Variants in GPBP1 observed in about 807,000 individuals in gnomAD.
GPBP1 encodes the protein vasculin.
Under a neutral mutation model 56.5 loss-of-function variants are expected in GPBP1, and 13 were observed. The observed-to-expected ratio is 0.23, with a 90% CI of 0.15 to 0.37. GPBP1 has a LOEUF of 0.37. Ranked by LOEUF, GPBP1 falls within the 10% of genes least tolerant of loss-of-function variation. GPBP1 has a pLI of 1.00. For synonymous variants in GPBP1, 204 were observed against 188.9 expected, an observed-to-expected ratio of 1.08 and a Z score of -0.66; for missense variants, 477 against 572.3, an observed-to-expected ratio of 0.83 and a Z score of 1.70.
chr5:57,231,919 G>C (rs1219806913), intron 5 of GPBP1, among the ~76,000 whole-genome samples: 1 of 151,982 alleles, frequency 6.6e-6, no homozygotes, highest in South Asian at 2.1e-4. Context: ...GATAAGCAGC[G>C]AGCTTTTGTT....
At chr5:57,230,465 T>C (rs1354476228) in intron 3 of GPBP1, among the ~76,000 whole-genome samples, 2 of 152,208 alleles carry the variant, frequency 1.3e-5, no homozygotes, top group Non-Finnish European at 2.9e-5. Context: ...AAGATTCATT[T>C]GACAATTTTT....
At chr5:57,257,920 C>CA (rs1330501824) in intron 10 of GPBP1, among the ~76,000 whole-genome samples, 1 of 152,146 alleles carries the variant, frequency 6.6e-6, no homozygotes, top group African/African-American at 2.4e-5. Flanking sequence ...CACAAGCAGG[C>CA]AATTTACTCA....
At chr5:57,219,360 A>C (rs1394192274) in intron 3 of GPBP1, among the ~76,000 whole-genome samples, 4 of 131,900 alleles carry the variant, frequency 3.0e-5, no homozygotes, top group Non-Finnish European at 6.4e-5. Flanking sequence ...TGGGTGACAG[A>C]GCGAGACTCT....
chr5:57,249,680 G>C (rs1449641162), intron 9 of GPBP1, 104 bp downstream of exon 9: 77 of 942,114 alleles, frequency 8.2e-5, no homozygotes, highest in Non-Finnish European at 1.1e-4. Flanking sequence ...TCCTTGGAAA[G>C]AAACTTGGAA....
intron 2 of GPBP1, among the ~76,000 whole-genome samples, chr5:57,195,980 CAAAAA>C (rs1181097227): frequency 3.4e-5 from 1 of 29,746 alleles, no homozygotes; most frequent in Non-Finnish European, 5.4e-5. Flanking sequence ...AACTCCATCT[CAAAAA>C]AAAAAAAAAA....
intron 2 of GPBP1, among the ~76,000 whole-genome samples, chr5:57,183,460 C>T (rs1195852034): frequency 6.6e-6 from 1 of 152,132 alleles, no homozygotes; most frequent in Non-Finnish European, 1.5e-5. Flanking sequence ...TGGCTTGTGG[C>T]TCACGCCTGT....
At chr5:57,218,144 C>A (rs1755780626) in intron 3 of GPBP1, among the ~76,000 whole-genome samples, 1 of 152,146 alleles carries the variant, frequency 6.6e-6, no homozygotes, top group African/African-American at 2.4e-5. Context: ...AATTTGGATT[C>A]TCCCCCTCAA....
intron 10 of GPBP1, among the ~76,000 whole-genome samples, chr5:57,260,008 A>G (rs2161137): frequency 0.67 from 101,353 of 152,028 alleles, 34,891 homozygotes; most frequent in East Asian, 0.98. Context: ...TGGTAAAGCC[A>G]TGTGCAGTTC....
At position 57,214,077 on chromosome 5, in the gene GPBP1, C is replaced by G. The variant is rs1755605137; in HGVS notation, c.-54C>G. The G allele has an allele frequency of 1.4e-6, 2 of 1,442,540 alleles. No individual in the cohort carries two copies. The highest frequency in any genetic ancestry group is 2.3e-5 in the South Asian group (2 of 87,212). 89.4% of individuals were successfully genotyped at this position (1,442,540 alleles called of 1,614,324 possible). ...TCCTTCCATTTTTATGTGACAGGGACTTGCCATGAGGTGTTGAAGCCTTGT... is the reference window on the plus strand; with the variant it reads ...TCCTTCCATTTTTATGTGACAGGGAGTTGCCATGAGGTGTTGAAGCCTTGT... On this transcript the variant is annotated 5_prime_UTR_variant, in exon 3 of 12. Coordinates refer to ENST00000506184, the MANE Select transcript of GPBP1 (RefSeq NM_022913.4).
At chr5:57,176,934 A>G (rs1753810744) in intron 2 of GPBP1, among the ~76,000 whole-genome samples, 1 of 152,174 alleles carries the variant, frequency 6.6e-6, no homozygotes, top group African/African-American at 2.4e-5. Flanking sequence ...TTTAAGGCAT[A>G]GTTGTTCCTA....
In GPBP1 at chr5:57,249,483, G is replaced by A; in HGVS notation, c.879G>A (p.Met293Ile). The change falls in exon 9 of 12, where the codon ATG becomes ATA. Residue 293 changes from methionine to isoleucine, a missense_variant. This residue lies in a region of GPBP1 where 414 missense variants were observed against 458.2 expected (regional missense o/e 0.90). Transcript: ENST00000506184. ...QQPRLTKLTR[M>I]RTDKKSEFLK... Reference sequence around the variant, plus strand: ...CTCGTCTAACCAAACTGACACGAATGCGCACTGATAAGAAGAGTGAATTTT... The same window carrying A: ...CTCGTCTAACCAAACTGACACGAATACGCACTGATAAGAAGAGTGAATTTT... 6.2e-7 allele frequency: 1 copy of A among 1,612,814 alleles called. No homozygotes were observed. The highest frequency in any genetic ancestry group is 8.5e-7 in the Non-Finnish European group (1 of 1,179,440).
chr5:57,251,153 T>C lies in GPBP1; in HGVS notation c.1160+12T>C. The C allele has an allele frequency of 6.4e-7, 1 of 1,566,906 alleles. No individual in the cohort carries two copies. Among genetic ancestry groups the C allele is most frequent in the Non-Finnish European group, 8.6e-7 (1 of 1,159,550 alleles). On this transcript the variant is annotated intron_variant, in intron 10 of 11. Coordinates refer to ENST00000506184, the MANE Select transcript of GPBP1 (RefSeq NM_022913.4). ...GAGGCAGAACACAGGCTAGTATTTG[T>C]TTGTACTTTTTGCTCAGCATTTTCT...
At chr5:57,207,215 T>C (rs556812978) in intron 2 of GPBP1, among the ~76,000 whole-genome samples, 5 of 152,364 alleles carry the variant, frequency 3.3e-5, no homozygotes, top group Admixed American at 2.6e-4. Context: ...GTGTGAGTTC[T>C]GTAACTTTAT....
chr5:57,200,534 A>G (rs1009338907), intron 2 of GPBP1, among the ~76,000 whole-genome samples: 3 of 151,160 alleles, frequency 2.0e-5, no homozygotes, highest in Admixed American at 1.3e-4. Context: ...TGGCTGGCTA[A>G]TTTTTTGTAT....
intron 3 of GPBP1, among the ~76,000 whole-genome samples, chr5:57,229,941 G>GTGTCC (rs1554070407): frequency 6.8e-6 from 1 of 146,078 alleles, no homozygotes; most frequent in South Asian, 2.3e-4. Context: ...GCATCGCATC[G>GTGTCC]CGTCCCGTCC....
At chr5:57,211,242 T>C (rs1755462577) in intron 2 of GPBP1, among the ~76,000 whole-genome samples, 2 of 151,816 alleles carry the variant, frequency 1.3e-5, no homozygotes, top group African/African-American at 4.8e-5. Flanking sequence ...TGGGCTGGAG[T>C]ACAGTGGCGT....
intron 2 of GPBP1, among the ~76,000 whole-genome samples, chr5:57,192,432 T>G (rs1164843358): frequency 6.6e-6 from 1 of 152,038 alleles, no homozygotes; most frequent in South Asian, 2.1e-4. Context: ...ACAGCAGTAG[T>G]GTAAGACAGT....
chr5:57,250,910 G>C (rs200411691), intron 9 of GPBP1, 44 bp from the exon 10 acceptor site: 26 of 1,286,952 alleles, frequency 2.0e-5, no homozygotes, highest in Non-Finnish European at 2.5e-5. Context: ...ACTGTATTCT[G>C]TAGAACTCAT....
chr5:57,232,485 G>A (rs1272124721), intron 5 of GPBP1, among the ~76,000 whole-genome samples: 1 of 152,194 alleles, frequency 6.6e-6, no homozygotes, highest in Non-Finnish European at 1.5e-5. Flanking sequence ...ATCCAAGCAG[G>A]CATTAAGTCA....
Sources: gnomAD v4.1 joint callset for allele counts (sites outside exome capture counted in the v4.1 genomes callset) on GRCh38, gnomAD v4.1.1 for gene constraint, gnomAD v4.1.1 regional missense constraint, MANE v1.5 for transcripts, NCBI Gene and HGNC (gene_info 2026-07-23, HGNC 2026-07-21) for gene names.